AKT3: variants seen among roughly 807,000 people sequenced by gnomAD.
AKT3 encodes the protein RAC-gamma serine/threonine-protein kinase.
In AKT3, 15 loss-of-function variants were observed where a neutral mutation model predicts 65.3. The ratio of observed to expected loss-of-function variants is 0.23; its 90% CI spans 0.15 to 0.35. AKT3 has a LOEUF of 0.35. AKT3 is among the 10% of genes least tolerant of loss of function. The pLI is 1.00. For synonymous variants in AKT3, 206 were observed against 183.8 expected, an observed-to-expected ratio of 1.12 and a Z score of -0.98; for missense variants, 243 against 576.5, an observed-to-expected ratio of 0.42 and a Z score of 5.92.
intron 12 of AKT3, among the ~76,000 whole-genome samples, chr1:243,514,251 G>C (rs559707976): frequency 1.3e-5 from 2 of 152,184 alleles, no homozygotes; most frequent in South Asian, 4.1e-4. Flanking sequence ...CTGGTTCTTT[G>C]TGATGTCAAA....
intron 2 of AKT3, among the ~76,000 whole-genome samples, chr1:243,819,256 G>A (rs908393120): frequency 1.3e-4 from 20 of 152,206 alleles, no homozygotes; most frequent in African/African-American, 1.9e-4. Context: ...ACTGAGCTCC[G>A]GAGGGGCAGC....
intron 2 of AKT3, among the ~76,000 whole-genome samples, chr1:243,838,519 A>G (rs1220402402): frequency 1.3e-5 from 2 of 152,174 alleles, no homozygotes; most frequent in Non-Finnish European, 2.9e-5. Flanking sequence ...TGCACAAAAT[A>G]AAGGAGAAGA....
intron 8 of AKT3, among the ~76,000 whole-genome samples, chr1:243,594,193 A>G (rs1277812452): frequency 6.6e-6 from 1 of 152,220 alleles, no homozygotes; most frequent in Non-Finnish European, 1.5e-5. Flanking sequence ...TGGAATAGGT[A>G]AAGAAAAATT....
intron 8 of AKT3, among the ~76,000 whole-genome samples, chr1:243,591,871 A>C (rs1460552390): frequency 6.6e-6 from 1 of 152,202 alleles, no homozygotes. Context: ...ACTGAAAAAA[A>C]GAAGAGAACA....
intron 3 of AKT3, among the ~76,000 whole-genome samples, chr1:243,688,588 G>A (rs1684489211): frequency 6.6e-6 from 1 of 152,172 alleles, no homozygotes; most frequent in African/African-American, 2.4e-5. Flanking sequence ...GAAAGGAAGT[G>A]ATGAAGCACT....
intron 9 of AKT3, among the ~76,000 whole-genome samples, chr1:243,568,378 G>A (rs1674324070): frequency 6.6e-6 from 1 of 151,670 alleles, no homozygotes; most frequent in South Asian, 2.1e-4. Context: ...AAAAATCTAA[G>A]TAATGCTTAC....
intron 8 of AKT3, among the ~76,000 whole-genome samples, chr1:243,610,980 G>T (rs535130343): frequency 2.0e-5 from 3 of 152,180 alleles, no homozygotes; most frequent in African/African-American, 7.2e-5. Flanking sequence ...ATGCTGCAAT[G>T]AGTATACTTA....
chr1:243,570,735 G>A (rs1162070074), intron 9 of AKT3, among the ~76,000 whole-genome samples: 2 of 152,094 alleles, frequency 1.3e-5, no homozygotes, highest in Non-Finnish European at 2.9e-5. Flanking sequence ...GTAAGTTTTG[G>A]ATGTTTGATT....
intron 2 of AKT3, among the ~76,000 whole-genome samples, chr1:243,809,806 A>C (rs956291818): frequency 2.6e-5 from 4 of 152,216 alleles, no homozygotes; most frequent in African/African-American, 9.6e-5. Flanking sequence ...CAGCAAATGT[A>C]AAAGAACAGA....
intron 2 of AKT3, among the ~76,000 whole-genome samples, chr1:243,745,684 GATTT>G (rs1688437607): frequency 6.6e-6 from 1 of 152,056 alleles, no homozygotes; most frequent in Non-Finnish European, 1.5e-5. Context: ...AACATTATAG[GATTT>G]ATTTTGATTT....
chr1:243,738,864 A>G (rs1330066182), intron 2 of AKT3, among the ~76,000 whole-genome samples: 1 of 152,220 alleles, frequency 6.6e-6, no homozygotes, highest in African/African-American at 2.4e-5. Context: ...TAGTTTGTCA[A>G]TAAAAAATAA....
At chr1:243,660,234 T>C (rs1440101312) in intron 4 of AKT3, among the ~76,000 whole-genome samples, 5 of 152,200 alleles carry the variant, frequency 3.3e-5, no homozygotes, top group African/African-American at 9.6e-5. Flanking sequence ...GAGGAATTTA[T>C]CCATTTCTTC....
chr1:243,510,866 G>A (rs1344605767), intron 13 of AKT3, among the ~76,000 whole-genome samples: 2 of 152,270 alleles, frequency 1.3e-5, no homozygotes, highest in African/African-American at 4.8e-5. Context: ...GCCTAGCAAA[G>A]GCTGTATGGC....
intron 3 of AKT3, among the ~76,000 whole-genome samples, chr1:243,679,841 G>A (rs948439104): frequency 4.6e-5 from 7 of 152,066 alleles, no homozygotes; most frequent in African/African-American, 1.4e-4. Flanking sequence ...ACTTCCTAGA[G>A]GCATAGAAAT....
At chr1:243,764,043 T>G (rs913660904) in intron 2 of AKT3, among the ~76,000 whole-genome samples, 1 of 152,112 alleles carries the variant, frequency 6.6e-6, no homozygotes, top group African/African-American at 2.4e-5. Flanking sequence ...ACTGCCGATA[T>G]TTCTGAATGA....
At chr1:243,834,435 GT>G (rs1694756480) in intron 2 of AKT3, among the ~76,000 whole-genome samples, 1 of 152,160 alleles carries the variant, frequency 6.6e-6, no homozygotes, top group Non-Finnish European at 1.5e-5. Context: ...GTTCTCACGT[GT>G]AAATGGGAGG....
intron 2 of AKT3, among the ~76,000 whole-genome samples, chr1:243,702,290 C>T (rs1685519237): frequency 6.6e-6 from 1 of 152,124 alleles, no homozygotes; most frequent in African/African-American, 2.4e-5. Context: ...TTCTTTCCCA[C>T]TCAACCTCAT....
Position 243,534,448 on chromosome 1 carries a change from C to A in AKT3, c.1251+11062G>T, listed in dbSNP as rs79416769. 7.1e-3 allele frequency among the ~76,000 whole-genome samples: 1,074 copies of A among 152,214 alleles called. 9 individuals are homozygous for A. Among genetic ancestry groups the A allele is most frequent in the African/African-American group, 0.024 (1,013 of 41,500 alleles). On this transcript the variant is annotated intron_variant, in intron 12 of 13. Transcript: ENST00000673466. ...ATTATAGTTGGACACATCAACATGT[C>A]CCCCCAGTCAGTTAAGGACATAACT...
chr1:243,594,895 C>T (rs1676488384), intron 8 of AKT3, among the ~76,000 whole-genome samples: 1 of 151,914 alleles, frequency 6.6e-6, no homozygotes, highest in Admixed American at 6.6e-5. Flanking sequence ...ACAGCCCTTT[C>T]AATGAAAGAT....
Sources: allele counts gnomAD v4.1 joint callset (sites outside exome capture counted in the v4.1 genomes callset), GRCh38; gene constraint gnomAD v4.1.1; transcripts MANE v1.5; gene names NCBI Gene and HGNC (gene_info 2026-07-23, HGNC 2026-07-21).